The following PDZD2 variants were observed in gnomAD, a reference collection of about 807,000 sequenced individuals.
The protein encoded by PDZD2 is PDZ domain-containing protein 2.
A neutral mutation model predicts 220.7 loss-of-function variants in PDZD2; 90 were observed. The observed-to-expected ratio is 0.41, with a 90% CI of 0.34 to 0.49. The LOEUF (loss-of-function observed/expected upper bound fraction) is 0.49, where lower values mean the gene tolerates loss of function less well. PDZD2 is among the 20% of genes least tolerant of loss of function. The pLI is 0.28. For missense variants in PDZD2, 3,174 were observed against 3,608.5 expected, an observed-to-expected ratio of 0.88 and a Z score of 3.08; for synonymous variants, 1,375 against 1,450.5, an observed-to-expected ratio of 0.95 and a Z score of 1.18.
intron 2 of PDZD2, among the ~76,000 whole-genome samples, chr5:31,959,068 G>A (rs1007754103): frequency 1.3e-5 from 2 of 151,770 alleles, no homozygotes; most frequent in African/African-American, 4.8e-5. Context: ...AAGTAGCTGG[G>A]ACTACAAGCG....
At chr5:31,906,772 G>A (rs1196090092) in intron 2 of PDZD2, among the ~76,000 whole-genome samples, 1 of 152,172 alleles carries the variant, frequency 6.6e-6, no homozygotes, top group Non-Finnish European at 1.5e-5. Flanking sequence ...GAACCCAGCA[G>A]GCGGAAGTTC....
chr5:31,892,429 T>C (rs1351754971), intron 2 of PDZD2, among the ~76,000 whole-genome samples: 1 of 151,816 alleles, frequency 6.6e-6, no homozygotes, highest in Non-Finnish European at 1.5e-5. Context: ...CCTCTGAGAG[T>C]GAAGGAGAGC....
intron 2 of PDZD2, among the ~76,000 whole-genome samples, chr5:31,801,819 T>A (rs1335470942): frequency 1.3e-5 from 2 of 152,184 alleles, no homozygotes; most frequent in African/African-American, 4.8e-5. Context: ...TGTATTAATA[T>A]CATCATTACT....
At chr5:31,706,143 C>A (rs56301480) in intron 1 of PDZD2, among the ~76,000 whole-genome samples, 3 of 152,134 alleles carry the variant, frequency 2.0e-5, no homozygotes, top group African/African-American at 4.8e-5. Flanking sequence ...ACTGGATTAA[C>A]GGCTGAATGT....
chr5:31,800,030 C>T (rs1754302205), intron 2 of PDZD2, among the ~76,000 whole-genome samples: 1 of 152,038 alleles, frequency 6.6e-6, no homozygotes, highest in South Asian at 2.1e-4. Context: ...TATCTGAATG[C>T]ATTGAATACT....
intron 2 of PDZD2, among the ~76,000 whole-genome samples, chr5:31,852,135 G>A (rs62360849): frequency 0.095 from 14,425 of 151,992 alleles, 877 homozygotes; most frequent in Middle Eastern, 0.15. Context: ...AATCACAGGC[G>A]TGAGCCACCG....
chr5:31,966,058 G>A (rs1748717652), intron 2 of PDZD2, among the ~76,000 whole-genome samples: 1 of 152,218 alleles, frequency 6.6e-6, no homozygotes, highest in African/African-American at 2.4e-5. Context: ...GAATCCCAAG[G>A]TCATGGTAAG....
chr5:32,027,053 C>G (rs1057057044), intron 6 of PDZD2, among the ~76,000 whole-genome samples: 2 of 152,174 alleles, frequency 1.3e-5, no homozygotes, highest in Non-Finnish European at 2.9e-5. Flanking sequence ...CAGGTGTGTG[C>G]CACCACGCCC....
At position 32,080,347 on chromosome 5, in the gene PDZD2, C is replaced by CAAAA. The variant is rs35491724; in HGVS notation, c.3682+2761_3682+2764dup. ...TGGGCAACAGAGCGAGACTCCATCTCAAAAAAAAAAAAAAAAAAAAAAAGT... is the reference window on the plus strand; with the variant it reads ...TGGGCAACAGAGCGAGACTCCATCTCAAAAAAAAAAAAAAAAAAAAAAAAAAAGT... On this transcript the variant is annotated intron_variant, in intron 19 of 24. Coordinates refer to ENST00000438447, the MANE Select transcript of PDZD2 (RefSeq NM_178140.4). Among the ~76,000 whole-genome samples, 136 of 54,180 alleles carry CAAAA rather than the reference C, an allele frequency of 2.5e-3. 3 individuals are homozygous for CAAAA. The highest frequency in any genetic ancestry group is 5.1e-3 in the East Asian group (8 of 1,566). The allele number at this position is 54,180 out of a possible 152,430, so 35.5% of individuals were successfully genotyped here.
Position 31,784,470 on chromosome 5 carries a change from G to T in PDZD2, c.-360-14419G>T, listed in dbSNP as rs59957211. ...AATCACAGTGATCTTGTGGAGGATGGACTGAAATCGGATTGTGCTTGTAAT... is the reference window on the plus strand; with the variant it reads ...AATCACAGTGATCTTGTGGAGGATGTACTGAAATCGGATTGTGCTTGTAAT... On this transcript the variant is annotated intron_variant, in intron 1 of 24. Transcript: ENST00000438447. Among the ~76,000 whole-genome samples, 629 of 152,334 alleles carry T rather than the reference G, an allele frequency of 4.1e-3. 5 individuals carry two copies. The highest frequency in any genetic ancestry group is 0.014 in the African/African-American group (568 of 41,578).
intron 6 of PDZD2, among the ~76,000 whole-genome samples, chr5:32,031,833 C>T (rs1018361835): frequency 3.3e-5 from 5 of 152,168 alleles, no homozygotes; most frequent in Non-Finnish European, 7.3e-5. Flanking sequence ...GTATTTTTAA[C>T]TCTTTAAACA....
At chr5:31,991,442 T>C (rs753099628) in intron 3 of PDZD2, among the ~76,000 whole-genome samples, 1 of 152,178 alleles carries the variant, frequency 6.6e-6, no homozygotes, top group Non-Finnish European at 1.5e-5. Context: ...GAATCAAAGA[T>C]ACTTCACGGA....
intron 1 of PDZD2, among the ~76,000 whole-genome samples, chr5:31,720,896 A>C (rs904775235): frequency 1.3e-5 from 2 of 152,166 alleles, no homozygotes; most frequent in Admixed American, 1.3e-4. Flanking sequence ...TTTAGGTTTT[A>C]TGGCTGGCTT....
intron 10 of PDZD2, among the ~76,000 whole-genome samples, chr5:32,054,312 CTTTTTTTTTT>C (rs57135705): frequency 2.9e-5 from 2 of 69,352 alleles, no homozygotes; most frequent in African/African-American, 1.1e-4. Context: ...AAATGAACAT[CTTTTTTTTTT>C]TTTTTTTTTT....
intron 1 of PDZD2, among the ~76,000 whole-genome samples, chr5:31,679,023 A>G (rs1746551724): frequency 6.6e-6 from 1 of 152,098 alleles, no homozygotes; most frequent in Admixed American, 6.5e-5. Context: ...ACACTTCGTG[A>G]TGTCAAAAAA....
chr5:31,756,183 G>A (rs1276204062), intron 1 of PDZD2, among the ~76,000 whole-genome samples: 1 of 152,178 alleles, frequency 6.6e-6, no homozygotes, highest in African/African-American at 2.4e-5. Context: ...AGGACCCGGG[G>A]GTGCCTGTGC....
chr5:31,701,289 T>A (rs1747600791), intron 1 of PDZD2, among the ~76,000 whole-genome samples: 1 of 152,190 alleles, frequency 6.6e-6, no homozygotes, highest in Admixed American at 6.5e-5. Flanking sequence ...CTCCACCTCC[T>A]GGGTTCAAGT....
intron 2 of PDZD2, among the ~76,000 whole-genome samples, chr5:31,930,369 G>T (rs988578090): frequency 2.0e-5 from 3 of 151,886 alleles, no homozygotes; most frequent in African/African-American, 7.2e-5. Context: ...TAATTTTTTT[G>T]TATTTTTAGT....
At chr5:32,036,201 C>T (rs964485570) in intron 6 of PDZD2, among the ~76,000 whole-genome samples, 14 of 152,300 alleles carry the variant, frequency 9.2e-5, no homozygotes, top group African/African-American at 2.9e-4. Flanking sequence ...CTCCTGACCT[C>T]GTGATCCGCC....
Sources: gnomAD v4.1 joint callset for allele counts (sites outside exome capture counted in the v4.1 genomes callset) on GRCh38, gnomAD v4.1.1 for gene constraint, MANE v1.5 for transcripts, NCBI Gene and HGNC (gene_info 2026-07-23, HGNC 2026-07-21) for gene names.